Variants in MCM3AP observed in about 807,000 individuals in gnomAD.
The protein encoded by MCM3AP is minichromosome maintenance complex component 3 associated protein, also known as germinal-center associated nuclear protein.
In MCM3AP, 126 loss-of-function variants were observed where a neutral mutation model predicts 184.1. The ratio of observed to expected loss-of-function variants is 0.68; its 90% confidence interval spans 0.59 to 0.79. The LOEUF (loss-of-function observed/expected upper bound fraction) is 0.79, where lower values mean the gene tolerates loss of function less well. MCM3AP is among the 30% of genes least tolerant of loss of function. The pLI, the probability that MCM3AP is intolerant of heterozygous loss-of-function variation, is 0.00. For missense variants in MCM3AP, 2,496 were observed against 2,479.2 expected, an observed-to-expected ratio of 1.01 and a Z score of -0.14; for synonymous variants, 1,002 against 979.3, an observed-to-expected ratio of 1.02 and a Z score of -0.43.
rs1045497649 is a variant in MCM3AP at position 46,257,071 on chromosome 21, G to A, written c.3735-85C>T. On this transcript the variant is annotated intron_variant, in intron 16 of 27. Coordinates refer to ENST00000291688, the MANE Select transcript of MCM3AP (RefSeq NM_003906.5). ...CATTGCAGTCAGAACTCAGGCATGG[G>A]GAAGGAAGGACATCAAATGAGTGTG... 1.2e-5 allele frequency: 18 copies of A among 1,506,356 alleles called. No individual in the cohort carries two copies. In the African/African-American group the frequency reaches 2.5e-4, roughly 21 times the overall value. The allele number at this position is 1,506,356 out of a possible 1,614,324, so 93.3% of individuals were successfully genotyped here.
At chr21:46,258,213 A>C (rs922402487) in intron 16 of MCM3AP, among the ~76,000 whole-genome samples, 6 of 152,212 alleles carry the variant, frequency 3.9e-5, no homozygotes, top group African/African-American at 1.4e-4. Context: ...TTGTAGAAGG[A>C]AGACTCACTT....
intron 9 of MCM3AP, among the ~76,000 whole-genome samples, chr21:46,269,182 T>C (rs1422023230): frequency 1.3e-5 from 2 of 151,990 alleles, no homozygotes; most frequent in Non-Finnish European, 2.9e-5. Context: ...GTGCAGATCT[T>C]GGCTCACTGC....
At position 46,240,877 on chromosome 21, in the gene MCM3AP, G is replaced by T; in HGVS notation, c.5567C>A (p.Ser1856Tyr). The change falls in exon 26 of 28, where the codon TCT becomes TAT. Residue 1856 changes from serine (S) to tyrosine (Y), a missense_variant. Coordinates refer to ENST00000291688, the MANE Select transcript of MCM3AP (RefSeq NM_003906.5). Reference sequence around the variant, plus strand: ...ACACTGCGCCAAGAGCTCCTCAGCAGAAGCTCCTCGCATCAGATCCTCTGT... The same window carrying T: ...ACACTGCGCCAAGAGCTCCTCAGCATAAGCTCCTCGCATCAGATCCTCTGT... Reference protein sequence around the residue: ...PSTEDLMRGASAEELLAQCLS... With the variant: ...PSTEDLMRGAYAEELLAQCLS... 1 of 1,614,250 alleles carries T rather than the reference G, an allele frequency of 6.2e-7. No homozygotes were observed. Among genetic ancestry groups the T allele is most frequent in the Non-Finnish European group, 8.5e-7 (1 of 1,180,040 alleles).
chr21:46,246,173 A>C, intron 22 of MCM3AP, 134 bp downstream of exon 22: 1 of 635,334 alleles, frequency 1.6e-6, no homozygotes, highest in Non-Finnish European at 2.8e-6. Flanking sequence ...TCATGCCACT[A>C]TACTGGGTGA....
chr21:46,265,303 G>T lies in MCM3AP; in HGVS notation c.3234+18C>A, dbSNP rs1311391571. ...ATGGGCTTCCCAGAGTCCAGACCTA[G>T]AAAAAAAGAGTCCCTACCTCGTCAG... is the stretch of plus-strand genomic sequence containing the variant. On this transcript the variant is annotated intron_variant, in intron 12 of 27. Transcript: ENST00000291688. 2 of 1,612,122 alleles carry T rather than the reference G, an allele frequency of 1.2e-6. No individual in the cohort carries two copies. The highest frequency in any genetic ancestry group is 2.7e-5 in the African/African-American group (2 of 74,868).
chr21:46,244,873 G>C lies in MCM3AP; in HGVS notation c.4972C>G (p.Leu1658Val). The stretch of plus-strand genomic sequence containing the variant: ...AGCACAGCCTGCTTCAGCCAGGCCA[G>C]GTGCTCTGGGGCATTCCAGTGCAGG... ...PHLHWNAPEH[L>V]AWLKQAVLGF... Residue 1658 changes from leucine (L) to valine (V), a missense_variant, in exon 23 of 28, where the codon CTG (leucine) becomes GTG (valine). Leu to Val is a conservative substitution (Grantham distance 32). This residue lies in a region of MCM3AP where 1,323 missense variants were observed against 1,273.4 expected (regional missense o/e 1.04). Transcript: ENST00000291688. The C allele has an allele frequency of 6.2e-7, 1 of 1,614,202 alleles. No individual in the cohort carries two copies.
At chr21:46,245,541 G>A (rs1457799050) in intron 22 of MCM3AP, among the ~76,000 whole-genome samples, 3 of 152,136 alleles carry the variant, frequency 2.0e-5, no homozygotes, top group Non-Finnish European at 4.4e-5. Context: ...TCTCCTTTTT[G>A]GAAGGACTAA....
intron 18 of MCM3AP, 47 bp downstream of exon 18, chr21:46,254,729 G>A: frequency 6.4e-7 from 1 of 1,560,730 alleles, no homozygotes; most frequent in South Asian, 1.1e-5. Flanking sequence ...ACAGATTGGG[G>A]AACGGGGATC....
rs1007769453 is a variant in MCM3AP, at chr21:46,257,095, T to C, written c.3735-109A>G. ...GGGAAGGAAGGACATCAAATGAGTG[T>C]GGTGAGCAATGAAACTACCGAACGT... On this transcript the variant is annotated intron_variant, in intron 16 of 27. Transcript: ENST00000291688. 4.9e-6 allele frequency: 7 copies of C among 1,430,364 alleles called. No homozygotes were observed. In the African/African-American group the frequency reaches 8.6e-5, roughly 18 times the overall value. 88.6% of individuals were successfully genotyped at this position (1,430,364 alleles called of 1,614,324 possible).
chr21:46,277,303 T>G (rs1188529860), intron 5 of MCM3AP, among the ~76,000 whole-genome samples: 2 of 152,186 alleles, frequency 1.3e-5, no homozygotes, highest in African/African-American at 4.8e-5. Context: ...CTCCCACTAC[T>G]ATTTTATACA....
intron 4 of MCM3AP, among the ~76,000 whole-genome samples, chr21:46,279,774 C>T (rs1352912859): frequency 1.3e-5 from 2 of 152,082 alleles, no homozygotes; most frequent in African/African-American, 4.8e-5. Flanking sequence ...AAAATTCTCT[C>T]TTCTGGCTGG....
chr21:46,262,670 A>G (rs938632937), intron 13 of MCM3AP, among the ~76,000 whole-genome samples: 1 of 151,998 alleles, frequency 6.6e-6, no homozygotes, highest in African/African-American at 2.4e-5. Context: ...AAAAAGGAAT[A>G]AAGAAATAAA....
chr21:46,249,338 C>T (rs1165350795), intron 20 of MCM3AP, among the ~76,000 whole-genome samples: 1 of 152,178 alleles, frequency 6.6e-6, no homozygotes, highest in Non-Finnish European at 1.5e-5. Context: ...CAGGCACACA[C>T]CACCATGCCC....
intron 26 of MCM3AP, among the ~76,000 whole-genome samples, chr21:46,237,235 G>A (rs373606879): frequency 6.6e-6 from 1 of 151,394 alleles, no homozygotes; most frequent in East Asian, 1.9e-4. Context: ...CTGAGTAGCT[G>A]GGATTATAGG....
chr21:46,280,031 G>C lies in MCM3AP; in HGVS notation c.1629C>G (p.Ala543=). Residue 543 remains alanine (A), a synonymous_variant, in exon 4 of 28, where the codon GCC becomes GCG. Transcript: ENST00000291688. ...APFQHSPLGK[A]AGRTGASSLL... ...GGCTGCTAGCACCAGTCCTCCCTGC[G>C]GCCTTGCCAAGAGGAGAGTGCTGAA... 1 of 1,614,050 alleles carries C rather than the reference G, an allele frequency of 6.2e-7. No homozygotes were observed. Among genetic ancestry groups the C allele is most frequent in the Middle Eastern group, 1.6e-4 (1 of 6,062 alleles).
Position 46,272,904 on chromosome 21 carries a change from G to A in MCM3AP, c.2197-75C>T, listed in dbSNP as rs893131589. 85 of 1,373,866 alleles carry A rather than the reference G, an allele frequency of 6.2e-5. No homozygotes were observed. In the East Asian group the frequency reaches 7.5e-4, roughly 12 times the overall value. The allele number at this position is 1,373,866 out of a possible 1,614,324, so 85.1% of individuals were successfully genotyped here. On this transcript the variant is annotated intron_variant, in intron 7 of 27. Coordinates refer to ENST00000291688, the MANE Select transcript of MCM3AP (RefSeq NM_003906.5). The stretch of plus-strand genomic sequence containing the variant: ...GCAACCGTGAGAAGGATCATGCTAC[G>A]ACCTCAATTTCTCACTTTTCAATTT...
intron 13 of MCM3AP, among the ~76,000 whole-genome samples, chr21:46,263,812 G>C (rs201740942): frequency 2.6e-5 from 1 of 37,984 alleles, no homozygotes; most frequent in East Asian, 1.1e-3. Flanking sequence ...AAAAAAAAAA[G>C]ATGACAGTAC....
In MCM3AP at chr21:46,256,908, G is replaced by A. The variant is rs778299103; in HGVS notation, c.3813C>T (p.Asp1271=). 42 of 1,610,048 alleles carry A rather than the reference G, an allele frequency of 2.6e-5. No homozygotes were observed. In the African/African-American group the frequency reaches 3.5e-4, roughly 13 times the overall value. ...RAFPAAPCCV[D]VSDRLRALAP... ...CCAGCGCCCTCAGCCGGTCGCTCACGTCCACGCAGCAGGGCGCAGCAGGGA... is the reference window on the plus strand; with the variant it reads ...CCAGCGCCCTCAGCCGGTCGCTCACATCCACGCAGCAGGGCGCAGCAGGGA... The change falls in exon 17 of 28, where the codon GAC becomes GAT. Residue 1271 remains aspartate, a synonymous_variant. Coordinates refer to ENST00000291688, the MANE Select transcript of MCM3AP (RefSeq NM_003906.5).
intron 2 of MCM3AP, among the ~76,000 whole-genome samples, chr21:46,281,243 A>G (rs2081328378): frequency 6.6e-6 from 1 of 152,258 alleles, no homozygotes; most frequent in East Asian, 1.9e-4. Context: ...CACAAAAGGG[A>G]GCTGCAGAAT....
Sources: allele counts gnomAD v4.1 joint callset (sites outside exome capture counted in the v4.1 genomes callset), GRCh38; gene constraint gnomAD v4.1.1; regional missense constraint gnomAD v4.1.1; transcripts MANE v1.5; gene names NCBI Gene and HGNC (gene_info 2026-07-23, HGNC 2026-07-21).